The following RASSF3 variants were observed in gnomAD, a reference collection of about 807,000 sequenced individuals.
RASSF3 encodes Ras association domain family member 3.
RASSF3 carries 19 observed loss-of-function variants against 19.9 expected under a neutral mutation model. The observed-to-expected ratio is 0.96, with a 90% CI of 0.67 to 1.40. RASSF3 has a LOEUF of 1.40. Among genes scored for constraint, RASSF3 ranks in the 40% most tolerant of loss-of-function variants. The probability of loss-of-function intolerance (pLI) is 0.00; values close to 1 mark genes in which losing one functional copy is unlikely to be tolerated. For missense variants in RASSF3, 306 were observed against 289.8 expected, an observed-to-expected ratio of 1.06 and a Z score of -0.41; for synonymous variants, 110 against 104.2, an observed-to-expected ratio of 1.06 and a Z score of -0.34.
intron 1 of RASSF3, among the ~76,000 whole-genome samples, chr12:64,509,529 C>T (rs1451159096): frequency 1.3e-5 from 2 of 152,190 alleles, no homozygotes; most frequent in Non-Finnish European, 2.9e-5. Flanking sequence ...ATAGGCAGAA[C>T]CAGAGCTTTA....
intron 1 of RASSF3, among the ~76,000 whole-genome samples, chr12:64,668,271 C>CTTCTTCTTCTTCTTCT (rs543668924): frequency 1.4e-5 from 2 of 147,146 alleles, no homozygotes; most frequent in African/African-American, 5.0e-5. Flanking sequence ...TCTTCTTCTT[C>CTTCTTCTTCTTCTTCT]TTTTTTTTTT....
Position 64,695,173 on chromosome 12 carries a change from C to A in RASSF3, c.*261C>A, listed in dbSNP as rs561078126. The A allele has an allele frequency of 2.7e-6, 1 of 364,078 alleles. No homozygotes were observed. The highest frequency in any genetic ancestry group is 5.0e-6 in the Non-Finnish European group (1 of 200,442). The allele number at this position is 364,078 out of a possible 1,614,324, so 22.6% of individuals were successfully genotyped here. A position where few individuals can be genotyped will look rare whatever the true frequency, so the allele number is the denominator to read the frequency against. ...AACCTGTCGCCTCATCAGGAGCATT[C>A]GAGGGTGCTTGGAAGCATGAACTCT... On this transcript the variant is annotated 3_prime_UTR_variant, in exon 5 of 5. Coordinates refer to ENST00000542104, the MANE Select transcript of RASSF3 (RefSeq NM_178169.4).
rs11312626 is a variant in RASSF3 at position 64,535,995 on chromosome 12, CTTTTTT to C, written c.67+2677_67+2682del. Among the ~76,000 whole-genome samples the C allele has an allele frequency of 1.6e-4, 17 of 104,496 alleles. 1 individual carries two copies. The highest frequency in any genetic ancestry group is 4.5e-4 in the African/African-American group (12 of 26,790). The allele number at this position is 104,496 out of a possible 152,430, so 68.6% of individuals were successfully genotyped here. Reference sequence around the variant, plus strand: ...AACCACCGCACCCAGCCTGTTTTCACTTTTTTTTTTTTTTTTTTTTTGAGACGGAGT... The same window carrying C: ...AACCACCGCACCCAGCCTGTTTTCACTTTTTTTTTTTTTTTGAGACGGAGT... On this transcript the variant is annotated intron_variant, in intron 1 of 1. Coordinates refer to the RASSF3 transcript ENST00000636333.
At chr12:64,579,423 C>A (rs1869651321) in intron 2 of RASSF3, among the ~76,000 whole-genome samples, 1 of 146,580 alleles carries the variant, frequency 6.8e-6, no homozygotes, top group African/African-American at 2.5e-5. Flanking sequence ...GCGATCTCAG[C>A]TCACTGCCAC....
intron 1 of RASSF3, among the ~76,000 whole-genome samples, chr12:64,527,037 C>T (rs1162090690): frequency 6.6e-6 from 1 of 152,134 alleles, no homozygotes; most frequent in African/African-American, 2.4e-5. Context: ...TTCATCTGTC[C>T]ATGGACAGCT....
intron 1 of RASSF3, among the ~76,000 whole-genome samples, chr12:64,658,752 A>G (rs1872244571): frequency 6.6e-6 from 1 of 152,010 alleles, no homozygotes; most frequent in Admixed American, 6.6e-5. Flanking sequence ...AGTGAACTGA[A>G]AGTGAAACTC....
intron 1 of RASSF3, among the ~76,000 whole-genome samples, chr12:64,637,327 G>GT (rs942046184): frequency 4.0e-5 from 6 of 151,712 alleles, no homozygotes. Flanking sequence ...ATTGGTGTGT[G>GT]TTTGAAAAGT....
chr12:64,553,524 G>A (rs1173430874), intron 2 of RASSF3, among the ~76,000 whole-genome samples: 1 of 152,176 alleles, frequency 6.6e-6, no homozygotes, highest in East Asian at 1.9e-4. Context: ...AAAAACATCT[G>A]ATGCACTGTC....
At chr12:64,656,935 A>G (rs187381962) in intron 1 of RASSF3, among the ~76,000 whole-genome samples, 186 of 152,298 alleles carry the variant, frequency 1.2e-3, no homozygotes, top group African/African-American at 4.3e-3. Flanking sequence ...AAGTGCCTAG[A>G]GTAGCCACAT....
At chr12:64,674,489 G>C (rs906690227) in intron 1 of RASSF3, among the ~76,000 whole-genome samples, 3 of 152,202 alleles carry the variant, frequency 2.0e-5, no homozygotes, top group African/African-American at 7.2e-5. Flanking sequence ...GCCGAGGTAG[G>C]AGGATCGCTT....
intron 2 of RASSF3, among the ~76,000 whole-genome samples, chr12:64,559,344 T>C (rs35452030): frequency 6.6e-6 from 1 of 151,378 alleles, no homozygotes; most frequent in South Asian, 2.1e-4. Context: ...CCCGGGTTCA[T>C]GCCATTCTCC....
chr12:64,575,952 C>T lies in RASSF3; in HGVS notation c.294+34247C>T, dbSNP rs144623982. ...TTGCCCAGGCTAGAGTGCAATAGCG[C>T]GATCTCGGCTCACCACAACCTCCCC... On this transcript the variant is annotated intron_variant, in intron 2 of 5. Coordinates refer to the RASSF3 transcript ENST00000637125. Among the ~76,000 whole-genome samples, 270 of 150,260 alleles carry T rather than the reference C, an allele frequency of 1.8e-3. 1 individual carries two copies. The highest frequency in any genetic ancestry group is 6.4e-3 in the African/African-American group (260 of 40,722).
At chr12:64,598,090 T>C (rs1870025135) in intron 2 of RASSF3, among the ~76,000 whole-genome samples, 2 of 152,038 alleles carry the variant, frequency 1.3e-5, no homozygotes, top group South Asian at 4.2e-4. Context: ...CTAATTTTTT[T>C]GTATTTTTAG....
rs146600541 is a variant in RASSF3 at position 64,510,634 on chromosome 12, C to T, written c.169+3305C>T. Among the ~76,000 whole-genome samples the T allele has an allele frequency of 4.6e-5, 7 of 152,266 alleles. No individual in the cohort carries two copies. In the East Asian group the frequency reaches 1.2e-3, roughly 25 times the overall value. The stretch of plus-strand genomic sequence containing the variant: ...TAGCTGACTCTCCTGCAGCTCTCCT[C>T]TATCTCCCCCTAGAAGACAATAAGT... On this transcript the variant is annotated intron_variant, in intron 1 of 5. Transcript: ENST00000637125.
At chr12:64,595,147 T>G (rs1869980061) in intron 2 of RASSF3, among the ~76,000 whole-genome samples, 1 of 136,730 alleles carries the variant, frequency 7.3e-6, no homozygotes, top group Non-Finnish European at 1.5e-5. Flanking sequence ...GGCTCACAGC[T>G]ACCTCCGCCT....
chr12:64,584,520 A>AG (rs1431435860), intron 2 of RASSF3, among the ~76,000 whole-genome samples: 1 of 151,718 alleles, frequency 6.6e-6, no homozygotes, highest in Non-Finnish European at 1.5e-5. Context: ...AAAAAAAAAA[A>AG]AAAGCTAAAG....
At chr12:64,594,908 TG>T (rs1324516062) in intron 2 of RASSF3, among the ~76,000 whole-genome samples, 1 of 151,880 alleles carries the variant, frequency 6.6e-6, no homozygotes, top group East Asian at 1.9e-4. Context: ...CCACCGTGTT[TG>T]GCAGAAATTT....
intron 2 of RASSF3, among the ~76,000 whole-genome samples, chr12:64,560,174 T>A (rs1434925005): frequency 6.6e-6 from 1 of 152,186 alleles, no homozygotes; most frequent in Non-Finnish European, 1.5e-5. Flanking sequence ...GATGCCCCCA[T>A]CCCATGTTTC....
chr12:64,592,872 G>T (rs936265119), intron 2 of RASSF3, among the ~76,000 whole-genome samples: 2 of 151,676 alleles, frequency 1.3e-5, no homozygotes, highest in Admixed American at 1.3e-4. Context: ...TGAACTCCTG[G>T]CTTCAAGTGA....
Sources: allele counts gnomAD v4.1 joint callset (sites outside exome capture counted in the v4.1 genomes callset), GRCh38; gene constraint gnomAD v4.1.1; transcripts MANE v1.5; gene names NCBI Gene and HGNC (gene_info 2026-07-23, HGNC 2026-07-21).